Variants in QTMAN observed in about 807,000 individuals in gnomAD.
QTMAN encodes tRNA-queuosine alpha-mannosyltransferase.
the QTMAN span, among the ~76,000 whole-genome samples, chr2:143,984,251 C>A: frequency 2.0e-5 from 3 of 152,160 alleles, no homozygotes; most frequent in Non-Finnish European, 2.9e-5. Context: ...AATAGAAGTA[C>A]AAACATCATC....
At chr2:144,101,725 AT>A in the QTMAN span, among the ~76,000 whole-genome samples, 1 of 152,068 alleles carries the variant, frequency 6.6e-6, no homozygotes, top group Admixed American at 6.5e-5. Context: ...TTATATATAT[AT>A]TCCCTTTTTG....
the QTMAN span, among the ~76,000 whole-genome samples, chr2:143,956,195 A>C: frequency 6.6e-6 from 1 of 152,226 alleles, no homozygotes; most frequent in African/African-American, 2.4e-5. Context: ...GATACATTTT[A>C]ATAAGGCCTC....
chr2:143,960,208 T>C, the QTMAN span, among the ~76,000 whole-genome samples: 1 of 152,074 alleles, frequency 6.6e-6, no homozygotes, highest in Admixed American at 6.6e-5. Context: ...CCTTCTATTA[T>C]TGAAGTATGT....
the QTMAN span, among the ~76,000 whole-genome samples, chr2:144,292,062 GT>G: frequency 6.6e-6 from 1 of 152,192 alleles, no homozygotes; most frequent in Non-Finnish European, 1.5e-5. Context: ...CTGAGTGTTA[GT>G]TTTTCTCCAA....
the QTMAN span, among the ~76,000 whole-genome samples, chr2:144,164,709 G>T: frequency 6.6e-6 from 1 of 152,102 alleles, no homozygotes; most frequent in Non-Finnish European, 1.5e-5. Flanking sequence ...CAAACACAGT[G>T]CAGTGTGCAA....
the QTMAN span, among the ~76,000 whole-genome samples, chr2:143,996,423 G>C: frequency 6.6e-6 from 1 of 152,096 alleles, no homozygotes; most frequent in African/African-American, 2.4e-5. Context: ...AAGAAAAAGA[G>C]AGAAATTTGG....
the QTMAN span, among the ~76,000 whole-genome samples, chr2:144,099,804 C>T: frequency 1.4e-4 from 21 of 152,178 alleles, no homozygotes; most frequent in Non-Finnish European, 3.1e-4. Context: ...AAAATAGACT[C>T]AATTCCCTTC....
chr2:144,129,761 T>C, the QTMAN span, among the ~76,000 whole-genome samples: 1 of 152,010 alleles, frequency 6.6e-6, no homozygotes, highest in African/African-American at 2.4e-5. Context: ...TAACTAGATA[T>C]CCTATATGAA....
the QTMAN span, among the ~76,000 whole-genome samples, chr2:144,225,068 T>C: frequency 6.6e-6 from 1 of 152,206 alleles, no homozygotes; most frequent in Non-Finnish European, 1.5e-5. Flanking sequence ...TGCTTCCTTC[T>C]AGAATTCAAG....
At chr2:143,991,461 C>T in the QTMAN span, among the ~76,000 whole-genome samples, 456 of 145,400 alleles carry the variant, frequency 3.1e-3, 1 homozygote, top group African/African-American at 9.9e-3. Flanking sequence ...CCCGGCCAGC[C>T]GCCCCGTCCG....
the QTMAN span, among the ~76,000 whole-genome samples, chr2:144,250,039 C>G: frequency 6.6e-6 from 1 of 151,568 alleles, no homozygotes; most frequent in East Asian, 1.9e-4. Context: ...TCTGGGGTGA[C>G]AGCAATAAAC....
At chr2:144,155,430 T>C in the QTMAN span, among the ~76,000 whole-genome samples, 91 of 152,308 alleles carry the variant, frequency 6.0e-4, no homozygotes, top group African/African-American at 2.1e-3. Flanking sequence ...CATAAACTAA[T>C]ATAATTAGTA....
At chr2:143,998,405 G>A in the QTMAN span, among the ~76,000 whole-genome samples, 1 of 151,544 alleles carries the variant, frequency 6.6e-6, no homozygotes, top group African/African-American at 2.4e-5. Flanking sequence ...AATAGCTAAT[G>A]AGTTGCATAG....
At chr2:144,261,404 T>G in the QTMAN span, among the ~76,000 whole-genome samples, 18 of 152,010 alleles carry the variant, frequency 1.2e-4, no homozygotes, top group African/African-American at 4.1e-4. Flanking sequence ...TTCAAAAATA[T>G]GTATATCAAT....
chr2:144,163,752 A>T, the QTMAN span, among the ~76,000 whole-genome samples: 2 of 152,336 alleles, frequency 1.3e-5, no homozygotes, highest in South Asian at 4.1e-4. Context: ...CTATTTAACA[A>T]CTGCATTCAT....
chr2:144,331,654 G>A, the QTMAN span, among the ~76,000 whole-genome samples: 1 of 152,096 alleles, frequency 6.6e-6, no homozygotes, highest in African/African-American at 2.4e-5. Flanking sequence ...TGCGAGAGAA[G>A]GCAAAAAAAC....
chr2:144,111,166 C>CA, the QTMAN span, among the ~76,000 whole-genome samples: 6,852 of 152,210 alleles, frequency 0.045, 278 homozygotes, highest in East Asian at 0.18. Flanking sequence ...CTGTCATACC[C>CA]AAAACCACGG....
At chr2:144,150,461 C>T in the QTMAN span, among the ~76,000 whole-genome samples, 1 of 151,936 alleles carries the variant, frequency 6.6e-6, no homozygotes, top group African/African-American at 2.4e-5. Context: ...TGAAATGTAG[C>T]TAGTACTCCT....
the QTMAN span, among the ~76,000 whole-genome samples, chr2:144,331,331 T>C: frequency 6.6e-6 from 1 of 152,216 alleles, no homozygotes; most frequent in Non-Finnish European, 1.5e-5. Context: ...AGAATGGCTC[T>C]ATTGAATTGT....
Sources: gnomAD v4.1 joint callset for allele counts (sites outside exome capture counted in the v4.1 genomes callset) on GRCh38, gnomAD v4.1.1 for gene constraint, MANE v1.5 for transcripts, NCBI Gene and HGNC (gene_info 2026-07-23, HGNC 2026-07-21) for gene names.